The following CNTNAP4 variants were observed in gnomAD, a reference collection of about 807,000 sequenced individuals.
The protein encoded by CNTNAP4 is contactin associated protein family member 4.
A neutral mutation model predicts 148.4 loss-of-function variants in CNTNAP4; 98 were observed. That is an observed-to-expected ratio of 0.66 (90% CI 0.56 to 0.78). CNTNAP4 has a LOEUF of 0.78. Among genes scored for constraint, CNTNAP4 ranks in the 30% least tolerant of loss-of-function variants. CNTNAP4 has a pLI of 0.00. For synonymous variants in CNTNAP4, 730 were observed against 565.1 expected (o/e 1.29, Z -4.14); for missense variants, 1,935 against 1,565.6 (o/e 1.24, Z -3.98).
intron 17 of CNTNAP4, among the ~76,000 whole-genome samples, chr16:76,530,124 C>T (rs994027144): frequency 2.0e-5 from 3 of 151,966 alleles, no homozygotes; most frequent in Admixed American, 2.0e-4. Context: ...AGATCTTCGA[C>T]CTCTCTGTGA....
intron 17 of CNTNAP4, among the ~76,000 whole-genome samples, chr16:76,531,886 A>T (rs951195896): frequency 6.6e-6 from 1 of 152,238 alleles, no homozygotes; most frequent in African/African-American, 2.4e-5. Context: ...GTAAATAACG[A>T]AAGTACAGAA....
At chr16:76,516,493 A>C (rs1376271914) in intron 15 of CNTNAP4, among the ~76,000 whole-genome samples, 1 of 152,202 alleles carries the variant, frequency 6.6e-6, no homozygotes, top group Non-Finnish European at 1.5e-5. Flanking sequence ...ATCCTTGAGG[A>C]ATCACCACAC....
At chr16:76,448,571 T>A (rs951009203) in intron 5 of CNTNAP4, among the ~76,000 whole-genome samples, 196 bp from the exon 6 acceptor site, 1 of 152,066 alleles carries the variant, frequency 6.6e-6, no homozygotes, top group African/African-American at 2.4e-5. Flanking sequence ...CAAAAAGAAT[T>A]AACAACGGAG....
intron 3 of CNTNAP4, among the ~76,000 whole-genome samples, chr16:76,372,482 G>A (rs58757294): frequency 3.9e-5 from 6 of 151,972 alleles, no homozygotes; most frequent in Non-Finnish European, 7.4e-5. Flanking sequence ...GTTGTAGCTC[G>A]CATGATTTCC....
intron 3 of CNTNAP4, among the ~76,000 whole-genome samples, chr16:76,396,326 C>A (rs528036505): frequency 7.9e-4 from 121 of 152,270 alleles, no homozygotes; most frequent in African/African-American, 2.8e-3. Context: ...CCACCAGAAA[C>A]ACACCTATAG....
intron 3 of CNTNAP4, among the ~76,000 whole-genome samples, chr16:76,399,455 A>G (rs1311618610): frequency 6.6e-6 from 1 of 152,184 alleles, no homozygotes; most frequent in African/African-American, 2.4e-5. Context: ...AAATTTTTCT[A>G]AAGTACTTAG....
intron 11 of CNTNAP4, among the ~76,000 whole-genome samples, chr16:76,478,023 C>T (rs1448289140): frequency 1.3e-5 from 2 of 151,976 alleles, no homozygotes; most frequent in Non-Finnish European, 2.9e-5. Context: ...GAAATGAAGC[C>T]AGAATGACAG....
At chr16:76,342,959 AT>A (rs1360432928) in intron 2 of CNTNAP4, among the ~76,000 whole-genome samples, 1 of 152,176 alleles carries the variant, frequency 6.6e-6, no homozygotes, top group African/African-American at 2.4e-5. Context: ...ACGAATGTGC[AT>A]TGAGCTGCTT....
chr16:76,390,574 T>TAA (rs10670094), intron 3 of CNTNAP4, among the ~76,000 whole-genome samples: 65,939 of 144,550 alleles, frequency 0.46, 14,619 homozygotes, highest in African/African-American at 0.47. Flanking sequence ...AAATAACAGG[T>TAA]AAAAAAAAAA....
chr16:76,548,941 C>T (rs1379635664), intron 21 of CNTNAP4, among the ~76,000 whole-genome samples: 3 of 152,174 alleles, frequency 2.0e-5, no homozygotes. Context: ...CTTAATATAG[C>T]TGCTAATTTT....
intron 1 of CNTNAP4, among the ~76,000 whole-genome samples, chr16:76,302,332 C>G (rs773880232): frequency 1.3e-5 from 2 of 152,140 alleles, no homozygotes; most frequent in Non-Finnish European, 2.9e-5. Flanking sequence ...ATGATCTCAT[C>G]TAAGGCTTGG....
chr16:76,375,049 G>A (rs907223194), intron 3 of CNTNAP4, among the ~76,000 whole-genome samples: 7 of 152,010 alleles, frequency 4.6e-5, no homozygotes, highest in Non-Finnish European at 8.8e-5. Flanking sequence ...GATTACAGGC[G>A]TCAGCCATCA....
At chr16:76,387,895 C>T (rs1597391476) in intron 3 of CNTNAP4, among the ~76,000 whole-genome samples, 1 of 152,128 alleles carries the variant, frequency 6.6e-6, no homozygotes, top group Admixed American at 6.6e-5. Context: ...TATTATAATG[C>T]AAACACAGAA....
At chr16:76,383,078 G>T (rs1005386897) in intron 3 of CNTNAP4, among the ~76,000 whole-genome samples, 2 of 150,052 alleles carry the variant, frequency 1.3e-5, no homozygotes, top group Non-Finnish European at 3.0e-5. Flanking sequence ...TCTGAACATT[G>T]GTTTGTAAAA....
chr16:76,483,687 G>C (rs967514984), intron 12 of CNTNAP4, among the ~76,000 whole-genome samples: 3 of 152,106 alleles, frequency 2.0e-5, no homozygotes, highest in Admixed American at 2.0e-4. Context: ...AAAAAATGTG[G>C]CACTTAATAG....
At chr16:76,518,606 TGC>T (rs2083339964) in intron 15 of CNTNAP4, among the ~76,000 whole-genome samples, 4 of 21,912 alleles carry the variant, frequency 1.8e-4, no homozygotes, top group Admixed American at 1.1e-3. Flanking sequence ...AGAATGTGCA[TGC>T]ATAGAATTAC....
chr16:76,425,277 G>T (rs1021516384), intron 3 of CNTNAP4, among the ~76,000 whole-genome samples: 8 of 152,170 alleles, frequency 5.3e-5, no homozygotes, highest in African/African-American at 1.9e-4. Flanking sequence ...TCCCTGCCAT[G>T]GGTTGATACA....
intron 10 of CNTNAP4, among the ~76,000 whole-genome samples, chr16:76,475,671 T>C (rs2081548759): frequency 6.6e-6 from 1 of 152,226 alleles, no homozygotes; most frequent in African/African-American, 2.4e-5. Context: ...GAATTCGTGT[T>C]ATGTCACTGA....
intron 12 of CNTNAP4, among the ~76,000 whole-genome samples, chr16:76,482,432 A>T (rs1567113): frequency 0.48 from 62,725 of 130,110 alleles, 13,333 homozygotes; most frequent in Admixed American, 0.52. Context: ...GTTTTACACA[A>T]TTTTTTTTTT....
Sources: allele counts gnomAD v4.1 joint callset (sites outside exome capture counted in the v4.1 genomes callset), GRCh38; gene constraint gnomAD v4.1.1; transcripts MANE v1.5; gene names NCBI Gene and HGNC (gene_info 2026-07-23, HGNC 2026-07-21).